LRP1B: variants seen among roughly 807,000 people sequenced by gnomAD.
The protein encoded by LRP1B is low-density lipoprotein receptor-related protein 1B.
LRP1B carries 217 observed loss-of-function variants against 556.6 expected under a neutral mutation model. That is an observed-to-expected ratio of 0.39 (90% CI 0.35 to 0.44). LRP1B has a LOEUF of 0.44. Ranked by LOEUF, LRP1B falls within the 20% of genes least tolerant of loss-of-function variation. The pLI, the probability that LRP1B is intolerant of heterozygous loss-of-function variation, is 1.00. For missense variants in LRP1B, 5,053 were observed against 5,620.8 expected, an observed-to-expected ratio of 0.90 and a Z score of 3.23; for synonymous variants, 2,047 against 1,865.8, an observed-to-expected ratio of 1.10 and a Z score of -2.50.
intron 6 of LRP1B, among the ~76,000 whole-genome samples, chr2:141,226,196 A>G (rs300388): frequency 0.11 from 17,284 of 152,018 alleles, 1,101 homozygotes; most frequent in South Asian, 0.19. Flanking sequence ...GTTAAAATAT[A>G]TCATTGAAGG....
intron 1 of LRP1B, among the ~76,000 whole-genome samples, chr2:142,110,436 G>A (rs562853436): frequency 1.3e-5 from 2 of 152,156 alleles, no homozygotes; most frequent in South Asian, 2.1e-4. Flanking sequence ...TCAACATGGC[G>A]GTGGATCCTC....
intron 35 of LRP1B, among the ~76,000 whole-genome samples, chr2:140,743,825 T>TG (rs1688220289): frequency 6.6e-6 from 1 of 151,188 alleles, no homozygotes; most frequent in South Asian, 2.1e-4. Context: ...CCGGGCGTGG[T>TG]GGCGGGTGCC....
intron 20 of LRP1B, among the ~76,000 whole-genome samples, chr2:140,943,876 C>A (rs1254758351): frequency 1.3e-5 from 2 of 151,990 alleles, no homozygotes; most frequent in African/African-American, 4.8e-5. Context: ...AAATCAAGAA[C>A]AAATCAATCC....
At chr2:140,439,070 G>T (rs570636639) in intron 66 of LRP1B, among the ~76,000 whole-genome samples, 1 of 152,160 alleles carries the variant, frequency 6.6e-6, no homozygotes, top group Non-Finnish European at 1.5e-5. Context: ...TTTTAGAAAA[G>T]TTACAACTCT....
At chr2:141,697,290 C>CAATA (rs2105455487) in intron 2 of LRP1B, among the ~76,000 whole-genome samples, 1 of 151,980 alleles carries the variant, frequency 6.6e-6, no homozygotes, top group South Asian at 2.1e-4. Flanking sequence ...ACTAGCTGGA[C>CAATA]TATTAGCTAA....
At chr2:141,119,566 G>A (rs1217208725) in intron 7 of LRP1B, among the ~76,000 whole-genome samples, 1 of 151,612 alleles carries the variant, frequency 6.6e-6, no homozygotes, top group Non-Finnish European at 1.5e-5. Context: ...ACTCTATCAT[G>A]GTCTCAAGAT....
intron 59 of LRP1B, among the ~76,000 whole-genome samples, chr2:140,484,147 C>G (rs1316728599): frequency 1.3e-5 from 2 of 151,936 alleles, no homozygotes; most frequent in African/African-American, 4.8e-5. Flanking sequence ...AAATAAAATA[C>G]TCAAAAAGAT....
intron 1 of LRP1B, among the ~76,000 whole-genome samples, chr2:141,918,632 A>G (rs1700101964): frequency 6.6e-6 from 1 of 152,118 alleles, no homozygotes; most frequent in Non-Finnish European, 1.5e-5. Flanking sequence ...ATTTCATTCT[A>G]TTATATCGGT....
chr2:141,842,025 T>C (rs2105761653), intron 1 of LRP1B, among the ~76,000 whole-genome samples: 2 of 152,276 alleles, frequency 1.3e-5, no homozygotes, highest in East Asian at 3.9e-4. Context: ...AAGACATTTG[T>C]ATCCCTTAAG....
chr2:140,587,843 G>T (rs764935425), intron 43 of LRP1B, among the ~76,000 whole-genome samples: 1 of 152,064 alleles, frequency 6.6e-6, no homozygotes, highest in African/African-American at 2.4e-5. Context: ...TAATAGCAGC[G>T]AGGGGGAAAT....
intron 1 of LRP1B, among the ~76,000 whole-genome samples, chr2:142,063,324 A>G (rs761588630): frequency 6.6e-6 from 1 of 151,582 alleles, no homozygotes; most frequent in African/African-American, 2.4e-5. Flanking sequence ...AAAGCCAATA[A>G]AACTAAAAGG....
At position 141,768,367 on chromosome 2, in the gene LRP1B, C is replaced by T. The variant is rs140205084; in HGVS notation, c.205+41912G>A. Among the ~76,000 whole-genome samples, 159 of 151,984 alleles carry T rather than the reference C, an allele frequency of 1.0e-3. 1 individual carries two copies. In the Middle Eastern group the frequency reaches 0.014, roughly 13 times the overall value. Reference sequence around the variant, plus strand: ...TTCTCAATATTATATCTCATTATCTCTTATTAATTACTGACATATGCAACT... The same window carrying T: ...TTCTCAATATTATATCTCATTATCTTTTATTAATTACTGACATATGCAACT... On this transcript the variant is annotated intron_variant, in intron 2 of 90. Coordinates refer to ENST00000389484, the MANE Select transcript of LRP1B (RefSeq NM_018557.3).
chr2:141,329,846 G>A (rs555000285), intron 3 of LRP1B, among the ~76,000 whole-genome samples: 3 of 152,184 alleles, frequency 2.0e-5, no homozygotes, highest in Admixed American at 2.0e-4. Context: ...AGATCATGCT[G>A]AATCAACTAA....
intron 2 of LRP1B, among the ~76,000 whole-genome samples, chr2:141,557,859 G>A (rs1177532581): frequency 6.6e-6 from 1 of 151,814 alleles, no homozygotes; most frequent in African/African-American, 2.4e-5. Flanking sequence ...ACCTACATGT[G>A]GGTACCATAA....
chr2:140,394,123 T>C (rs935968731), intron 66 of LRP1B, among the ~76,000 whole-genome samples: 12 of 130,442 alleles, frequency 9.2e-5, no homozygotes, highest in Non-Finnish European at 1.2e-4. Context: ...TACTGGCACA[T>C]ATTTTTTTTT....
intron 1 of LRP1B, among the ~76,000 whole-genome samples, chr2:141,974,487 C>G (rs2105082054): frequency 6.6e-6 from 1 of 151,984 alleles, no homozygotes; most frequent in East Asian, 1.9e-4. Flanking sequence ...GTGTTTGTCA[C>G]CAGTTAAACA....
chr2:140,931,818 A>G (rs1399029646), intron 20 of LRP1B, among the ~76,000 whole-genome samples: 1 of 151,466 alleles, frequency 6.6e-6, no homozygotes, highest in African/African-American at 2.4e-5. Flanking sequence ...TTATCTAAAT[A>G]TAAGTGGATA....
At chr2:140,532,947 T>TATATACAC in intron 47 of LRP1B, among the ~76,000 whole-genome samples, 14 of 124,282 alleles carry the variant, frequency 1.1e-4, no homozygotes, top group Non-Finnish European at 1.8e-4. Flanking sequence ...TATATATATA[T>TATATACAC]ACACATATAT....
rs1434117863 is a variant in LRP1B, at chr2:140,842,671, T to C, written c.4940-1579A>G. 2.0e-5 allele frequency among the ~76,000 whole-genome samples: 3 copies of C among 152,196 alleles called. No individual in the cohort carries two copies. The East Asian group carries it at 5.8e-4, about 29-fold the overall frequency. On this transcript the variant is annotated intron_variant, in intron 29 of 90. Coordinates refer to ENST00000389484, the MANE Select transcript of LRP1B (RefSeq NM_018557.3). ...AGTTAAACCTGCCACGTCTTATACA[T>C]ATTTATTTCCCTCACTCAGAATCTT... is the stretch of plus-strand genomic sequence containing the variant.
Sources: gnomAD v4.1 joint callset for allele counts (sites outside exome capture counted in the v4.1 genomes callset) on GRCh38, gnomAD v4.1.1 for gene constraint, MANE v1.5 for transcripts, NCBI Gene and HGNC (gene_info 2026-07-23, HGNC 2026-07-21) for gene names.